RIPOR2: variants seen among roughly 807,000 people sequenced by gnomAD.
RIPOR2 encodes rho family-interacting cell polarization regulator 2.
A neutral mutation model predicts 114.5 loss-of-function variants in RIPOR2; 39 were observed. The observed-to-expected ratio is 0.34, with a 90% CI of 0.26 to 0.44. The LOEUF is 0.44. Among genes scored for constraint, RIPOR2 ranks in the 20% least tolerant of loss-of-function variants. RIPOR2 has a pLI of 1.00. For synonymous variants in RIPOR2, 445 were observed against 484.4 expected, an observed-to-expected ratio of 0.92 and a Z score of 1.07; for missense variants, 1,007 against 1,255.1, an observed-to-expected ratio of 0.80 and a Z score of 2.99.
intron 20 of RIPOR2, among the ~76,000 whole-genome samples, chr6:24,811,228 C>CTTT (rs59559836): frequency 4.3e-5 from 4 of 93,782 alleles, no homozygotes; most frequent in African/African-American, 1.6e-4. Flanking sequence ...TTCTCTCATT[C>CTTT]TTTTTTTTTT....
chr6:24,831,779 G>A (rs1265236552), intron 16 of RIPOR2, among the ~76,000 whole-genome samples: 2 of 152,190 alleles, frequency 1.3e-5, no homozygotes, highest in Non-Finnish European at 2.9e-5. Flanking sequence ...ATCTTTCCCA[G>A]GTCAAATTCT....
intron 1 of RIPOR2, among the ~76,000 whole-genome samples, chr6:25,030,772 C>T (rs1433471826): frequency 2.0e-5 from 3 of 151,994 alleles, no homozygotes; most frequent in Non-Finnish European, 2.9e-5. Context: ...GATCTCGGTT[C>T]ACTGCAACCT....
At chr6:24,947,041 G>A (rs1581856206) in intron 1 of RIPOR2, among the ~76,000 whole-genome samples, 1 of 152,046 alleles carries the variant, frequency 6.6e-6, no homozygotes, top group African/African-American at 2.4e-5. Flanking sequence ...AAAAAAGGAG[G>A]AAGAAAGAGA....
At chr6:24,895,908 G>A (rs140212124) in intron 1 of RIPOR2, among the ~76,000 whole-genome samples, 4,869 of 152,164 alleles carry the variant, frequency 0.032, 217 homozygotes, top group African/African-American at 0.098. Flanking sequence ...GAAGAATGGC[G>A]TGAACCCGGG....
At chr6:25,036,383 G>T (rs303030) in intron 1 of RIPOR2, among the ~76,000 whole-genome samples, 66,448 of 149,062 alleles carry the variant, frequency 0.45, 14,680 homozygotes, top group Middle Eastern at 0.55. Flanking sequence ...AGTTCAACGG[G>T]TTTTTGTTTT....
At chr6:25,008,144 A>G (rs1260909942) in intron 1 of RIPOR2, among the ~76,000 whole-genome samples, 2 of 152,150 alleles carry the variant, frequency 1.3e-5, no homozygotes, top group Non-Finnish European at 2.9e-5. Context: ...ACACATCCAC[A>G]TGCTAGTCTC....
At chr6:24,998,987 A>T (rs1267808498) in intron 1 of RIPOR2, among the ~76,000 whole-genome samples, 2 of 152,172 alleles carry the variant, frequency 1.3e-5, no homozygotes, top group Non-Finnish European at 2.9e-5. Flanking sequence ...CTCAGGCTCC[A>T]GGGTGACTCC....
At chr6:24,936,164 G>A (rs11751072), upstream of RIPOR2, 52,960 of 366,292 alleles carry the variant, frequency 0.14, 4,149 homozygotes, top group Non-Finnish European at 0.16. Context: ...TATGAATACA[G>A]ATATCACTCA....
chr6:25,032,905 G>A (rs1777060643), intron 1 of RIPOR2, among the ~76,000 whole-genome samples: 2 of 152,192 alleles, frequency 1.3e-5, no homozygotes, highest in South Asian at 4.1e-4. Flanking sequence ...GAAACAGTAA[G>A]TTGTAGAACA....
chr6:24,828,724 G>A (rs893768631), intron 17 of RIPOR2, among the ~76,000 whole-genome samples: 1 of 151,590 alleles, frequency 6.6e-6, no homozygotes, highest in African/African-American at 2.4e-5. Context: ...TATTATATAT[G>A]TGTGTGTAGG....
chr6:25,024,947 T>C (rs1776535144), intron 1 of RIPOR2, among the ~76,000 whole-genome samples: 1 of 152,238 alleles, frequency 6.6e-6, no homozygotes, highest in Admixed American at 6.5e-5. Flanking sequence ...AAAATTGAAG[T>C]TGCCATCCTT....
intron 1 of RIPOR2, among the ~76,000 whole-genome samples, chr6:24,887,129 G>T (rs1351158761): frequency 1.3e-5 from 2 of 152,206 alleles, no homozygotes; most frequent in African/African-American, 4.8e-5. Flanking sequence ...CAGCCAGAGG[G>T]CTCTCACATT....
intron 11 of RIPOR2, among the ~76,000 whole-genome samples, chr6:24,848,922 G>A (rs539282852): frequency 2.0e-5 from 3 of 152,140 alleles, no homozygotes; most frequent in African/African-American, 7.2e-5. Flanking sequence ...TGTTTTTTTG[G>A]AGATGGAGTT....
At position 24,968,817 on chromosome 6, in the gene RIPOR2, A is replaced by G. The variant is rs571839635; in HGVS notation, c.76+73034T>C. Among the ~76,000 whole-genome samples, 11 of 152,248 alleles carry G rather than the reference A, an allele frequency of 7.2e-5. No individual in the cohort carries two copies. The South Asian group carries it at 2.1e-3, about 29-fold the overall frequency. On this transcript the variant is annotated intron_variant, in intron 1 of 13. Coordinates refer to the RIPOR2 transcript ENST00000510784. ...GCTGCTGCTAAATGTCCTACAATGC[A>G]CAGTACAGTCTTCAGCACCAAAGAA...
chr6:24,840,031 C>T, intron 13 of RIPOR2: 3 of 849,872 alleles, frequency 3.5e-6, no homozygotes, highest in East Asian at 1.2e-4. Flanking sequence ...CTCACTGCAG[C>T]CTCAATCTCC....
At chr6:24,884,060 T>A (rs1021993535) in intron 1 of RIPOR2, among the ~76,000 whole-genome samples, 1 of 151,944 alleles carries the variant, frequency 6.6e-6, no homozygotes. Flanking sequence ...TAATCTTTTT[T>A]AAAAAGTAAA....
intron 1 of RIPOR2, among the ~76,000 whole-genome samples, chr6:24,942,245 G>A (rs1772172465): frequency 6.6e-6 from 1 of 152,040 alleles, no homozygotes; most frequent in African/African-American, 2.4e-5. Context: ...CTAATTATTT[G>A]TTTTCAAGGA....
chr6:24,991,333 AT>A (rs1273499098), intron 1 of RIPOR2, among the ~76,000 whole-genome samples: 3 of 152,172 alleles, frequency 2.0e-5, no homozygotes, highest in Non-Finnish European at 4.4e-5. Flanking sequence ...CTTGCTATGT[AT>A]TTTAAATTGT....
chr6:25,000,235 C>T lies in RIPOR2; in HGVS notation c.76+41616G>A, dbSNP rs537238866. Among the ~76,000 whole-genome samples, 5 of 152,316 alleles carry T rather than the reference C, an allele frequency of 3.3e-5. No individual in the cohort carries two copies. In the South Asian group the frequency reaches 1.0e-3, roughly 32 times the overall value. Reference sequence around the variant, plus strand: ...GGTTGCTTCCTCCAGGAACCCTTTCCTGACCAATGAAGGTGTCAGGAAGTT... The same window carrying T: ...GGTTGCTTCCTCCAGGAACCCTTTCTTGACCAATGAAGGTGTCAGGAAGTT... On this transcript the variant is annotated intron_variant, in intron 1 of 13. Coordinates refer to the RIPOR2 transcript ENST00000510784.
Sources: gnomAD v4.1 joint callset for allele counts (sites outside exome capture counted in the v4.1 genomes callset) on GRCh38, gnomAD v4.1.1 for gene constraint, MANE v1.5 for transcripts, NCBI Gene and HGNC (gene_info 2026-07-23, HGNC 2026-07-21) for gene names.